Variants in FLVCR2 observed in about 807,000 individuals in gnomAD.
The protein encoded by FLVCR2 is choline/ethanolamine transporter FLVCR2.
In FLVCR2, 38 loss-of-function variants were observed where a neutral mutation model predicts 48.9. That is an observed-to-expected ratio of 0.78 (90% confidence interval 0.60 to 1.02). The LOEUF (loss-of-function observed/expected upper bound fraction) is 1.02, where lower values mean the gene tolerates loss of function less well. Among genes scored for constraint, FLVCR2 ranks in the 50% least tolerant of loss-of-function variants. The probability of loss-of-function intolerance (pLI) is 0.00; values close to 1 mark genes in which losing one functional copy is unlikely to be tolerated. For missense variants in FLVCR2, 664 were observed against 663.3 expected (o/e 1.00, Z -0.01); for synonymous variants, 255 against 257.0 (o/e 0.99, Z 0.07).
Position 75,578,888 on chromosome 14 carries a change from C to A in FLVCR2, c.-85C>A. On this transcript the variant is annotated 5_prime_UTR_variant, in exon 1 of 10. Transcript: ENST00000238667. ...CTGGAATAGGCAAGTGTCCTTTCAA[C>A]TCTAAGAGACCAGCAGAGGCCACTG... 3 of 1,298,246 alleles carry A rather than the reference C, an allele frequency of 2.3e-6. No homozygotes were observed. Among genetic ancestry groups the A allele is most frequent in the Non-Finnish European group, 3.3e-6 (3 of 898,604 alleles). The allele number at this position is 1,298,246 out of a possible 1,614,324, so 80.4% of individuals were successfully genotyped here.
At chr14:75,582,469 A>G (rs1441945349) in intron 1 of FLVCR2, among the ~76,000 whole-genome samples, 1 of 152,128 alleles carries the variant, frequency 6.6e-6, no homozygotes, top group Non-Finnish European at 1.5e-5. Flanking sequence ...AGTTATGAGA[A>G]CTGTAGAGAG....
chr14:75,595,068 T>C (rs56168786), intron 1 of FLVCR2, among the ~76,000 whole-genome samples: 30,411 of 152,134 alleles, frequency 0.2, 3,491 homozygotes, highest in East Asian at 0.57. Flanking sequence ...ACACTGGGGA[T>C]TGAGTCTTTA....
intron 1 of FLVCR2, among the ~76,000 whole-genome samples, chr14:75,587,794 G>T (rs1888786847): frequency 6.6e-6 from 1 of 152,220 alleles, no homozygotes; most frequent in Admixed American, 6.5e-5. Context: ...ATAGATGCAA[G>T]ATCTAAAAAA....
intron 4 of FLVCR2, among the ~76,000 whole-genome samples, chr14:75,634,534 C>T (rs912473163): frequency 1.3e-5 from 2 of 152,138 alleles, no homozygotes; most frequent in East Asian, 3.9e-4. Context: ...TTCAAAAAAA[C>T]CTAAGAATGG....
At chr14:75,592,307 G>T (rs1888905294) in intron 1 of FLVCR2, among the ~76,000 whole-genome samples, 1 of 152,052 alleles carries the variant, frequency 6.6e-6, no homozygotes, top group African/African-American at 2.4e-5. Context: ...TTGGGCCATG[G>T]CTGCTCTGGC....
intron 1 of FLVCR2, among the ~76,000 whole-genome samples, chr14:75,609,914 G>T (rs1357114715): frequency 6.8e-6 from 1 of 147,790 alleles, no homozygotes; most frequent in Non-Finnish European, 1.5e-5. Context: ...TAGATGGGGG[G>T]TTAGTGTTAA....
chr14:75,634,845 T>C, intron 4 of FLVCR2, 65 bp from the exon 5 acceptor site: 1 of 1,056,846 alleles, frequency 9.5e-7, no homozygotes, highest in Non-Finnish European at 1.5e-6. Context: ...CACCCCATGG[T>C]GACTGTGCTC....
At chr14:75,589,682 C>T (rs1294769404) in intron 1 of FLVCR2, among the ~76,000 whole-genome samples, 1 of 152,222 alleles carries the variant, frequency 6.6e-6, no homozygotes, top group African/African-American at 2.4e-5. Context: ...TGCCTGAGCC[C>T]CCAAGCTGTT....
At chr14:75,620,740 G>A (rs370361525) in intron 1 of FLVCR2, among the ~76,000 whole-genome samples, 17 of 152,176 alleles carry the variant, frequency 1.1e-4, no homozygotes, top group Non-Finnish European at 1.9e-4. Flanking sequence ...AACTATGAGT[G>A]ACCACTTTTG....
intron 1 of FLVCR2, among the ~76,000 whole-genome samples, chr14:75,596,916 T>G (rs1034653692): frequency 6.6e-6 from 1 of 152,152 alleles, no homozygotes; most frequent in African/African-American, 2.4e-5. Context: ...ATCTGTTTTT[T>G]AAATGCTGGT....
At position 75,605,555 on chromosome 14, in the gene FLVCR2, G is replaced by T. The variant is rs1485470742; in HGVS notation, c.670-16524G>T. The T allele has an allele frequency of 2.0e-6, 3 of 1,535,954 alleles. No individual in the cohort carries two copies. The African/African-American group carries it at 4.1e-5, about 21-fold the overall frequency. On this transcript the variant is annotated intron_variant, in intron 1 of 9. Coordinates refer to ENST00000238667, the MANE Select transcript of FLVCR2 (RefSeq NM_017791.3). ...CTCTCACCCCAACACAATTCAAGAC[G>T]CAGCCTTGTCCCAGCATGAGCGCAG...
chr14:75,581,597 G>A (rs7161727), intron 1 of FLVCR2, among the ~76,000 whole-genome samples: 27,607 of 151,872 alleles, frequency 0.18, 2,605 homozygotes, highest in Middle Eastern at 0.23. Flanking sequence ...TCTGACAGAA[G>A]GGAAGAAATG....
chr14:75,601,630 CA>C (rs1425662001), intron 1 of FLVCR2, among the ~76,000 whole-genome samples: 1 of 152,020 alleles, frequency 6.6e-6, no homozygotes, highest in Non-Finnish European at 1.5e-5. Flanking sequence ...TGAAGCACCT[CA>C]AAAAAATTAA....
intron 2 of FLVCR2, 83 bp from the exon 3 acceptor site, chr14:75,624,529 G>A: frequency 2.6e-6 from 4 of 1,513,622 alleles, no homozygotes; most frequent in Non-Finnish European, 2.8e-6. Flanking sequence ...TCAGATGATG[G>A]AGCAGCTTTC....
chr14:75,613,888 T>A (rs1889534131), intron 1 of FLVCR2, among the ~76,000 whole-genome samples: 1 of 152,186 alleles, frequency 6.6e-6, no homozygotes, highest in African/African-American at 2.4e-5. Context: ...TCCAAACCCA[T>A]CATGCCCCTT....
chr14:75,627,087 C>T (rs1035331035), intron 3 of FLVCR2, among the ~76,000 whole-genome samples: 2 of 151,830 alleles, frequency 1.3e-5, no homozygotes, highest in Admixed American at 6.6e-5. Context: ...TCCTGGTCAT[C>T]GAGGGGTCAA....
intron 1 of FLVCR2, among the ~76,000 whole-genome samples, chr14:75,621,004 C>T (rs1039761436): frequency 6.6e-6 from 1 of 152,196 alleles, no homozygotes; most frequent in African/African-American, 2.4e-5. Flanking sequence ...AAGCTATTTT[C>T]CCATTTCCGC....
intron 5 of FLVCR2, among the ~76,000 whole-genome samples, chr14:75,637,260 A>G (rs187367083): frequency 9.2e-5 from 14 of 152,356 alleles, no homozygotes; most frequent in Non-Finnish European, 1.9e-4. Context: ...AGAAATCATC[A>G]GATATTTCTT....
At chr14:75,597,910 T>A (rs1889065627) in intron 1 of FLVCR2, among the ~76,000 whole-genome samples, 1 of 152,096 alleles carries the variant, frequency 6.6e-6, no homozygotes, top group African/African-American at 2.4e-5. Context: ...ATAAGGCTCG[T>A]GATCAGACAC....
Sources: allele counts gnomAD v4.1 joint callset (sites outside exome capture counted in the v4.1 genomes callset), GRCh38; gene constraint gnomAD v4.1.1; transcripts MANE v1.5; gene names NCBI Gene and HGNC (gene_info 2026-07-23, HGNC 2026-07-21).